Variants in LRFN5 observed in about 807,000 individuals in gnomAD.
The protein encoded by LRFN5 is leucine rich repeat and fibronectin type III domain containing 5.
Under a neutral mutation model 45.6 loss-of-function variants are expected in LRFN5, and 24 were observed. The observed-to-expected ratio is 0.53, with a 90% CI of 0.38 to 0.74. The LOEUF (loss-of-function observed/expected upper bound fraction) is 0.74, where lower values mean the gene tolerates loss of function less well. LRFN5 is among the 30% of genes least tolerant of loss of function. LRFN5 has a pLI of 0.00. For synonymous variants in LRFN5, 340 were observed against 313.8 expected, an observed-to-expected ratio of 1.08 and a Z score of -0.88; for missense variants, 776 against 861.5, an observed-to-expected ratio of 0.90 and a Z score of 1.24.
At chr14:41,692,829 C>G (rs1882439920) in intron 1 of LRFN5, among the ~76,000 whole-genome samples, 2 of 151,932 alleles carry the variant, frequency 1.3e-5, no homozygotes, top group African/African-American at 2.4e-5. Flanking sequence ...TGGCAAAGCT[C>G]TTCAATTTTT....
At chr14:41,862,089 T>C (rs1244363445) in intron 2 of LRFN5, among the ~76,000 whole-genome samples, 1 of 152,188 alleles carries the variant, frequency 6.6e-6, no homozygotes, top group African/African-American at 2.4e-5. Flanking sequence ...CGTGCCATGC[T>C]TTACCTTCCA....
intron 1 of LRFN5, among the ~76,000 whole-genome samples, chr14:41,745,741 T>C (rs1356473906): frequency 6.6e-6 from 1 of 151,968 alleles, no homozygotes; most frequent in Non-Finnish European, 1.5e-5. Context: ...TCCTGAACAA[T>C]TGTATATCTA....
chr14:41,874,224 A>G (rs1890114937), intron 2 of LRFN5, among the ~76,000 whole-genome samples: 1 of 152,170 alleles, frequency 6.6e-6, no homozygotes, highest in Non-Finnish European at 1.5e-5. Flanking sequence ...ATTGAAGCCT[A>G]ATTATCCTGC....
At chr14:41,861,959 G>C (rs1889679255) in intron 2 of LRFN5, among the ~76,000 whole-genome samples, 1 of 152,084 alleles carries the variant, frequency 6.6e-6, no homozygotes, top group African/African-American at 2.4e-5. Flanking sequence ...GGTGTGAGGT[G>C]ATCAGATCAT....
intron 1 of LRFN5, among the ~76,000 whole-genome samples, chr14:41,685,670 G>GTATTCTGCATATGGCTAGCCAGT (rs1882087019): frequency 6.6e-6 from 1 of 152,110 alleles, no homozygotes; most frequent in Non-Finnish European, 1.5e-5. Flanking sequence ...TCCAGTTTCA[G>GTATTCTGCATATGGCTAGCCAGT]TTTTCTGCAT....
rs141688627 is a variant in LRFN5 at position 41,759,944 on chromosome 14, G to A, written c.-196-6910G>A. The stretch of plus-strand genomic sequence containing the variant: ...CTATTATGTAAATTTTCATGCAGTC[G>A]TGGAAATAACACAGAGGGATTCCCA... On this transcript the variant is annotated intron_variant, in intron 1 of 5. Transcript: ENST00000298119. Among the ~76,000 whole-genome samples the A allele has an allele frequency of 1.6e-4, 24 of 152,286 alleles. No individual in the cohort carries two copies. In the East Asian group the frequency reaches 2.3e-3, roughly 15 times the overall value.
chr14:41,687,716 C>CT (rs1882183512), intron 1 of LRFN5, among the ~76,000 whole-genome samples: 1 of 152,108 alleles, frequency 6.6e-6, no homozygotes, highest in African/African-American at 2.4e-5. Context: ...AAGTCATCAT[C>CT]CTCAGCAAAC....
intron 1 of LRFN5, among the ~76,000 whole-genome samples, chr14:41,741,042 A>T (rs894852024): frequency 6.6e-6 from 1 of 151,436 alleles, no homozygotes; most frequent in Non-Finnish European, 1.5e-5. Context: ...ATTGACTATG[A>T]TGAAAACTAT....
At position 41,836,485 on chromosome 14, in the gene LRFN5, C is replaced by T. The variant is rs984036084; in HGVS notation, c.-20-50121C>T. Among the ~76,000 whole-genome samples the T allele has an allele frequency of 4.0e-5, 6 of 148,360 alleles. No homozygotes were observed. The South Asian group carries it at 6.4e-4, about 16-fold the overall frequency. On this transcript the variant is annotated intron_variant, in intron 2 of 5. Transcript: ENST00000298119. ...GTACTTATGTGTCTGTTAATATGCA[C>T]GTATATATTTGTTATAATACATGCA...
At position 41,887,531 on chromosome 14, in the gene LRFN5, A is replaced by G; in HGVS notation, c.906A>G (p.Gln302=). 6.2e-7 allele frequency: 1 copy of G among 1,614,178 alleles called. No individual in the cohort carries two copies. The highest frequency in any genetic ancestry group is 8.5e-7 in the Non-Finnish European group (1 of 1,180,030). Reference sequence around the variant, plus strand: ...ATGAGATGAGAGTCCTGGAGGGACAAAGGGCAACACTGAGGTGCAAAGCCA... The same window carrying G: ...ATGAGATGAGAGTCCTGGAGGGACAGAGGGCAACACTGAGGTGCAAAGCCA... ...HTHEMRVLEG[Q]RATLRCKARG... The change falls in exon 3 of 6, where the codon CAA becomes CAG. Residue 302 remains glutamine, a synonymous_variant. Coordinates refer to ENST00000298119, the MANE Select transcript of LRFN5 (RefSeq NM_152447.5). This position sits in a 1 kb window ranked among gnomAD's most constrained non-coding sequence, Gnocchi z 4.8.
At chr14:41,629,899 G>A (rs1314774985) in intron 1 of LRFN5, among the ~76,000 whole-genome samples, 2 of 151,974 alleles carry the variant, frequency 1.3e-5, no homozygotes, top group Non-Finnish European at 2.9e-5. Context: ...TTTATGTAGT[G>A]GCTGTTTTGT....
chr14:41,888,500 C>G (rs1377064908), intron 3 of LRFN5, among the ~76,000 whole-genome samples: 1 of 152,072 alleles, frequency 6.6e-6, no homozygotes, highest in Non-Finnish European at 1.5e-5. Context: ...ATTTTGGAAA[C>G]AAGCAAAAGC....
At chr14:41,696,308 G>A (rs905223927) in intron 1 of LRFN5, among the ~76,000 whole-genome samples, 1 of 151,920 alleles carries the variant, frequency 6.6e-6, no homozygotes, top group Non-Finnish European at 1.5e-5. Flanking sequence ...TGAAATGACA[G>A]TGGATACAGA....
chr14:41,882,176 G>A (rs986567134), intron 2 of LRFN5, among the ~76,000 whole-genome samples: 9 of 151,950 alleles, frequency 5.9e-5, no homozygotes, highest in Non-Finnish European at 8.8e-5. Context: ...ACAGCTCTGG[G>A]GCCAGATTTG....
intron 1 of LRFN5, among the ~76,000 whole-genome samples, chr14:41,733,279 A>G (rs185956737): frequency 3.9e-5 from 6 of 152,246 alleles, no homozygotes; most frequent in African/African-American, 1.4e-4. Flanking sequence ...AATACATTAT[A>G]TAATCAAACT....
intron 3 of LRFN5, among the ~76,000 whole-genome samples, chr14:41,890,827 G>T (rs1419632898): frequency 6.6e-6 from 1 of 151,602 alleles, no homozygotes; most frequent in Non-Finnish European, 1.5e-5. Context: ...TATCTATTTT[G>T]ATTTCTAATG....
chr14:41,748,957 A>G (rs1245414226), intron 1 of LRFN5, among the ~76,000 whole-genome samples: 1 of 151,924 alleles, frequency 6.6e-6, no homozygotes, highest in Non-Finnish European at 1.5e-5. Flanking sequence ...TGGATTCTAT[A>G]GCATGGCACC....
intron 1 of LRFN5, among the ~76,000 whole-genome samples, chr14:41,739,385 A>AATCATCATCATCATC (rs60722886): frequency 2.7e-5 from 4 of 148,424 alleles, no homozygotes; most frequent in East Asian, 2.0e-4. Context: ...ACATTGTGTC[A>AATCATCATCATCATC]ATCATCATCA....
chr14:41,710,455 T>G (rs1262200065), intron 1 of LRFN5, among the ~76,000 whole-genome samples: 1 of 151,994 alleles, frequency 6.6e-6, no homozygotes, highest in Non-Finnish European at 1.5e-5. Flanking sequence ...CAGTAGAGGG[T>G]TTCCTGTTAA....
Sources: allele counts gnomAD v4.1 joint callset (sites outside exome capture counted in the v4.1 genomes callset), GRCh38; gene constraint gnomAD v4.1.1; non-coding constraint Gnocchi (gnomAD v3.1); transcripts MANE v1.5; gene names NCBI Gene and HGNC (gene_info 2026-07-23, HGNC 2026-07-21).